The following THSD7B variants were observed in gnomAD, a reference collection of about 807,000 sequenced individuals.
THSD7B encodes thrombospondin type 1 domain containing 7B.
In THSD7B, 138 loss-of-function variants were observed where a neutral mutation model predicts 213.6. The ratio of observed to expected loss-of-function variants is 0.65; its 90% CI spans 0.56 to 0.74. THSD7B has a LOEUF of 0.74. Ranked by LOEUF, THSD7B falls within the 30% of genes least tolerant of loss-of-function variation. The pLI, the probability that THSD7B is intolerant of heterozygous loss-of-function variation, is 0.00. For missense variants in THSD7B, 1,931 were observed against 1,991.5 expected (o/e 0.97, Z 0.58); for synonymous variants, 742 against 687.0 (o/e 1.08, Z -1.25).
intron 2 of THSD7B, among the ~76,000 whole-genome samples, chr2:136,970,761 C>T (rs1293829469): frequency 6.6e-6 from 1 of 151,942 alleles, no homozygotes; most frequent in African/African-American, 2.4e-5. Context: ...TTACAGAATA[C>T]CAGACATAAA....
intron 12 of THSD7B, among the ~76,000 whole-genome samples, chr2:137,404,468 TATATATACACACAC>T (rs1449099271): frequency 5.5e-5 from 4 of 73,124 alleles, no homozygotes; most frequent in African/African-American, 1.6e-4. Context: ...TATATATATA[TATATATACACACAC>T]ACACACACAC....
At chr2:137,568,204 A>C (rs1480317196) in intron 16 of THSD7B, among the ~76,000 whole-genome samples, 1 of 152,038 alleles carries the variant, frequency 6.6e-6, no homozygotes, top group Non-Finnish European at 1.5e-5. Flanking sequence ...ATAATTGGGG[A>C]GGCGGGAGGA....
chr2:136,975,446 CT>C (rs1399564094), intron 2 of THSD7B, among the ~76,000 whole-genome samples: 2 of 152,124 alleles, frequency 1.3e-5, no homozygotes, highest in African/African-American at 4.8e-5. Context: ...ATAGGGGATG[CT>C]TTTCCCATTG....
At chr2:137,661,358 C>T (rs1408761313) in intron 25 of THSD7B, among the ~76,000 whole-genome samples, 2 of 151,908 alleles carry the variant, frequency 1.3e-5, no homozygotes, top group South Asian at 2.1e-4. Context: ...GGGTGACACT[C>T]GAGTTATTAC....
At chr2:136,874,443 G>A (rs947772140) in intron 1 of THSD7B, among the ~76,000 whole-genome samples, 2 of 152,094 alleles carry the variant, frequency 1.3e-5, no homozygotes, top group African/African-American at 4.8e-5. Flanking sequence ...CATCTTTATT[G>A]AGCCATCTTC....
chr2:136,801,698 C>T (rs1016432324), intron 1 of THSD7B, among the ~76,000 whole-genome samples: 44 of 152,030 alleles, frequency 2.9e-4, no homozygotes, highest in African/African-American at 8.2e-4. Context: ...ATTTTGAAAG[C>T]GAGGAGGATG....
rs1248984385 is a variant in THSD7B at position 137,226,483 on chromosome 2, A to G, written c.1724-4561A>G. On this transcript the variant is annotated intron_variant, in intron 7 of 27. Coordinates refer to ENST00000409968, the MANE Select transcript of THSD7B (RefSeq NM_001316349.2). ...TTTTTATAAAATATAACTGCTATTT[A>G]TATTTTATTTTTAATTGGTATATAC... Among the ~76,000 whole-genome samples the G allele has an allele frequency of 2.0e-5, 3 of 151,670 alleles. 1 individual carries two copies. The highest frequency in any genetic ancestry group is 4.4e-5 in the Non-Finnish European group (3 of 67,816).
At chr2:137,294,456 G>A (rs951906963) in intron 12 of THSD7B, among the ~76,000 whole-genome samples, 1 of 151,702 alleles carries the variant, frequency 6.6e-6, no homozygotes, top group African/African-American at 2.4e-5. Flanking sequence ...GGTGGTGAGT[G>A]CCTGTAATCC....
At chr2:137,515,898 A>T (rs1185273756) in intron 15 of THSD7B, among the ~76,000 whole-genome samples, 2 of 152,162 alleles carry the variant, frequency 1.3e-5, no homozygotes, top group Non-Finnish European at 2.9e-5. Context: ...AGTCCAGAAG[A>T]TATATCCTTG....
At chr2:137,157,861 T>C (rs980051783) in intron 5 of THSD7B, among the ~76,000 whole-genome samples, 2 of 152,240 alleles carry the variant, frequency 1.3e-5, no homozygotes, top group Non-Finnish European at 2.9e-5. Context: ...TAAATGCTTA[T>C]TAAACATCAG....
chr2:136,932,788 A>G (rs1302134853), intron 2 of THSD7B, among the ~76,000 whole-genome samples: 1 of 152,126 alleles, frequency 6.6e-6, no homozygotes, highest in African/African-American at 2.4e-5. Context: ...GGACCTGTGC[A>G]GTTAAACCTG....
chr2:137,145,012 A>G (rs1454132104), intron 5 of THSD7B, among the ~76,000 whole-genome samples: 3 of 152,142 alleles, frequency 2.0e-5, no homozygotes, highest in Non-Finnish European at 2.9e-5. Flanking sequence ...GATCTCATTC[A>G]TTGTAAGATT....
At chr2:136,781,490 T>C (rs972841407) in intron 1 of THSD7B, among the ~76,000 whole-genome samples, 1 of 151,900 alleles carries the variant, frequency 6.6e-6, no homozygotes, top group African/African-American at 2.4e-5. Flanking sequence ...CAGGCTGGTC[T>C]TGAACTCCTG....
intron 1 of THSD7B, among the ~76,000 whole-genome samples, chr2:136,791,328 C>CA (rs1232712275): frequency 6.6e-6 from 1 of 151,492 alleles, no homozygotes; most frequent in Non-Finnish European, 1.5e-5. Context: ...TTAATGACAT[C>CA]AAAAAAACAG....
intron 3 of THSD7B, among the ~76,000 whole-genome samples, chr2:137,067,910 A>C (rs1687411415): frequency 6.6e-6 from 1 of 152,068 alleles, no homozygotes; most frequent in South Asian, 2.1e-4. Context: ...AGGTATACTC[A>C]CAAAAGTATA....
chr2:137,662,286 C>T (rs62166260), intron 25 of THSD7B, among the ~76,000 whole-genome samples: 30,249 of 141,574 alleles, frequency 0.21, 3,429 homozygotes, highest in Middle Eastern at 0.26. Flanking sequence ...GGTTTCACCA[C>T]GTTAGCCAGG....
At chr2:137,474,823 A>T (rs927576949) in intron 15 of THSD7B, among the ~76,000 whole-genome samples, 3 of 152,234 alleles carry the variant, frequency 2.0e-5, no homozygotes, top group East Asian at 1.9e-4. Flanking sequence ...TATGTAAGAA[A>T]ATAATACACA....
At chr2:136,904,846 A>T (rs1684131526) in intron 2 of THSD7B, among the ~76,000 whole-genome samples, 1 of 152,224 alleles carries the variant, frequency 6.6e-6, no homozygotes, top group African/African-American at 2.4e-5. Context: ...CTTTCAGCAA[A>T]TGCATGTTCC....
rs900225282 is a variant in THSD7B at position 137,534,022 on chromosome 2, A to G, written c.3139-29199A>G. On this transcript the variant is annotated intron_variant, in intron 15 of 27. Coordinates refer to ENST00000409968, the MANE Select transcript of THSD7B (RefSeq NM_001316349.2). ...TGTATGTGTGTGTGTGTGCGCGCAC[A>G]CACACACACACACACACACACAGAC... is the stretch of plus-strand genomic sequence containing the variant. Among the ~76,000 whole-genome samples, 870 of 96,740 alleles carry G rather than the reference A, an allele frequency of 9.0e-3. 7 individuals are homozygous for G. Among genetic ancestry groups the G allele is most frequent in the African/African-American group, 0.028 (815 of 29,326 alleles). 63.5% of individuals were successfully genotyped at this position (96,740 alleles called of 152,430 possible).
Sources: allele counts gnomAD v4.1 joint callset (sites outside exome capture counted in the v4.1 genomes callset), GRCh38; gene constraint gnomAD v4.1.1; transcripts MANE v1.5; gene names NCBI Gene and HGNC (gene_info 2026-07-23, HGNC 2026-07-21).